RNF150: variants seen among roughly 807,000 people sequenced by gnomAD.
The protein encoded by RNF150 is ring finger protein 150.
Under a neutral mutation model 39.3 loss-of-function variants are expected in RNF150, and 24 were observed. That is an observed-to-expected ratio of 0.61 (90% CI 0.44 to 0.86). The LOEUF (loss-of-function observed/expected upper bound fraction) is 0.86, where lower values mean the gene tolerates loss of function less well. RNF150 is among the 40% of genes least tolerant of loss of function. RNF150 has a pLI of 0.00. For synonymous variants in RNF150, 255 were observed against 227.3 expected (o/e 1.12, Z -1.10); for missense variants, 502 against 587.8 (o/e 0.85, Z 1.51).
At position 140,922,761 on chromosome 4, in the gene RNF150, C is replaced by G. The variant is rs1469812407; in HGVS notation, c.987+3216G>C. Among the ~76,000 whole-genome samples, 4 of 151,872 alleles carry G rather than the reference C, an allele frequency of 2.6e-5. No homozygotes were observed. The East Asian group carries it at 7.7e-4, about 29-fold the overall frequency. ...TAATCAAAACAGCATGGTACTGGTACCAAAACAGAGATATAGACCAATGGA... is the reference window on the plus strand; with the variant it reads ...TAATCAAAACAGCATGGTACTGGTAGCAAAACAGAGATATAGACCAATGGA... On this transcript the variant is annotated intron_variant, in intron 5 of 6. Transcript: ENST00000515673.
chr4:140,994,045 T>G (rs916148765), intron 1 of RNF150, among the ~76,000 whole-genome samples: 1 of 152,124 alleles, frequency 6.6e-6, no homozygotes, highest in Admixed American at 6.5e-5. Context: ...ATATACAGCT[T>G]TCCAAATAAT....
rs1203396135 is a variant in RNF150, at chr4:140,866,606, C to T, written c.*1655G>A. The T allele has an allele frequency of 6.6e-6, 1 of 152,198 alleles. No homozygotes were observed. The highest frequency in any genetic ancestry group is 2.4e-5 in the African/African-American group (1 of 41,454). The allele number at this position is 152,198 out of a possible 1,614,324, so 9.4% of individuals were successfully genotyped here. A position where few individuals can be genotyped will look rare whatever the true frequency, so the allele number is the denominator to read the frequency against. ...GGAGCAGCTAGTATTCTCCGTTGACCTGCACACCATGTTTCAGCAGGCGGC... is the reference window on the plus strand; with the variant it reads ...GGAGCAGCTAGTATTCTCCGTTGACTTGCACACCATGTTTCAGCAGGCGGC... On this transcript the variant is annotated 3_prime_UTR_variant, in exon 7 of 7. Coordinates refer to ENST00000515673, the MANE Select transcript of RNF150 (RefSeq NM_020724.2).
intron 6 of RNF150, among the ~76,000 whole-genome samples, chr4:140,882,873 TG>T (rs1243569675): frequency 5.9e-5 from 9 of 152,304 alleles, no homozygotes; most frequent in South Asian, 2.1e-4. Context: ...TTTAGTCTTT[TG>T]ATCTGAGAGT....
intron 1 of RNF150, among the ~76,000 whole-genome samples, chr4:141,200,002 G>T (rs1263422125): frequency 6.6e-6 from 1 of 152,076 alleles, no homozygotes; most frequent in African/African-American, 2.4e-5. Flanking sequence ...GCTAAATCCA[G>T]GTTGACCAGT....
intron 1 of RNF150, among the ~76,000 whole-genome samples, chr4:141,129,089 T>G (rs1473660817): frequency 2.0e-5 from 3 of 152,148 alleles, no homozygotes; most frequent in Non-Finnish European, 4.4e-5. Context: ...ATCATAGAGT[T>G]GCCATATGAC....
chr4:140,885,957 G>A (rs1179212163), intron 6 of RNF150, among the ~76,000 whole-genome samples: 2 of 152,054 alleles, frequency 1.3e-5, no homozygotes, highest in East Asian at 1.9e-4. Flanking sequence ...TTGGGAGGCC[G>A]AGATGGGTGG....
At chr4:141,052,454 C>T (rs1560711151) in intron 1 of RNF150, among the ~76,000 whole-genome samples, 1 of 152,204 alleles carries the variant, frequency 6.6e-6, no homozygotes, top group South Asian at 2.1e-4. Context: ...TGGCTCACTG[C>T]AACCTCCACC....
At chr4:141,096,783 C>A (rs548598086) in intron 1 of RNF150, among the ~76,000 whole-genome samples, 3 of 152,232 alleles carry the variant, frequency 2.0e-5, no homozygotes, top group African/African-American at 7.2e-5. Flanking sequence ...TTCCGTTACA[C>A]AGACAAGGGA....
At chr4:141,020,611 G>A (rs1355021616) in intron 1 of RNF150, among the ~76,000 whole-genome samples, 2 of 152,098 alleles carry the variant, frequency 1.3e-5, no homozygotes, top group Non-Finnish European at 2.9e-5. Flanking sequence ...AAGGCTATGG[G>A]CATCTTCATC....
chr4:141,208,572 T>C (rs1728414264), intron 1 of RNF150, among the ~76,000 whole-genome samples: 1 of 152,242 alleles, frequency 6.6e-6, no homozygotes, highest in Non-Finnish European at 1.5e-5. Context: ...ACCTTAATTC[T>C]TTCCTTTTCA....
chr4:140,882,018 A>G (rs1412866193), intron 6 of RNF150, among the ~76,000 whole-genome samples: 1 of 151,640 alleles, frequency 6.6e-6, no homozygotes, highest in Non-Finnish European at 1.5e-5. Context: ...TTTATTTTTA[A>G]TTTTTTTATT....
At position 141,187,120 on chromosome 4, in the gene RNF150, G is replaced by C. The variant is rs114072925; in HGVS notation, c.-6+25674C>G. ...CTTAAATTTGTTATTTACCCAAGTA[G>C]TCATTCAGGTGTAGGTTGTTCAGTT... On this transcript the variant is annotated intron_variant, in intron 1 of 7. Coordinates refer to the RNF150 transcript ENST00000420921. Among the ~76,000 whole-genome samples, 1,061 of 152,284 alleles carry C rather than the reference G, an allele frequency of 7.0e-3. 12 individuals are homozygous for C. Among genetic ancestry groups the C allele is most frequent in the African/African-American group, 0.024 (1,015 of 41,560 alleles).
At chr4:141,112,523 T>G (rs1739417922) in intron 1 of RNF150, among the ~76,000 whole-genome samples, 1 of 152,140 alleles carries the variant, frequency 6.6e-6, no homozygotes, top group African/African-American at 2.4e-5. Flanking sequence ...GGGTTGAAAA[T>G]TCTTTTCTTT....
chr4:140,992,293 C>T lies in RNF150; in HGVS notation c.485-24420G>A, dbSNP rs1025289519. ...GCTGAGGTAGGAGGATCACTTGAGTCCAGAAGTTGGAGGCTGCTGTGAGCC... is the reference window on the plus strand; with the variant it reads ...GCTGAGGTAGGAGGATCACTTGAGTTCAGAAGTTGGAGGCTGCTGTGAGCC... On this transcript the variant is annotated intron_variant, in intron 1 of 6. Coordinates refer to ENST00000515673, the MANE Select transcript of RNF150 (RefSeq NM_020724.2). Among the ~76,000 whole-genome samples the T allele has an allele frequency of 3.9e-5, 6 of 151,956 alleles. No individual in the cohort carries two copies. In the South Asian group the frequency reaches 8.3e-4, roughly 21 times the overall value.
chr4:141,157,206 C>G (rs1727423226), intron 1 of RNF150, among the ~76,000 whole-genome samples: 1 of 151,956 alleles, frequency 6.6e-6, no homozygotes, highest in African/African-American at 2.4e-5. Flanking sequence ...GTGTCACGTG[C>G]ACAATATCTC....
At chr4:140,936,480 AT>A (rs1345372984) in intron 4 of RNF150, among the ~76,000 whole-genome samples, 1 of 152,200 alleles carries the variant, frequency 6.6e-6, no homozygotes, top group Non-Finnish European at 1.5e-5. Context: ...TTTATAAACT[AT>A]TTGAGTGAGA....
At chr4:141,180,352 G>A (rs1303109780) in intron 1 of RNF150, among the ~76,000 whole-genome samples, 1 of 152,170 alleles carries the variant, frequency 6.6e-6, no homozygotes, top group Non-Finnish European at 1.5e-5. Flanking sequence ...CCTCAAAGGA[G>A]TCCCAGTTTC....
rs1242528052 is a variant in RNF150, at chr4:140,867,231, T to C, written c.*1030A>G. On this transcript the variant is annotated 3_prime_UTR_variant, in exon 7 of 7. Coordinates refer to ENST00000515673, the MANE Select transcript of RNF150 (RefSeq NM_020724.2). ...GTGCTACTGCAGCCCCCACTATGTT[T>C]GCCATTGGACTTAAAAATGATTGGC... 1.3e-5 allele frequency: 2 copies of C among 152,214 alleles called. No homozygotes were observed. The highest frequency in any genetic ancestry group is 2.9e-5 in the Non-Finnish European group (2 of 68,038). 9.4% of individuals were successfully genotyped at this position (152,214 alleles called of 1,614,324 possible).
intron 1 of RNF150, among the ~76,000 whole-genome samples, chr4:141,208,179 G>A (rs13129853): frequency 5.9e-5 from 9 of 152,060 alleles, no homozygotes; most frequent in Non-Finnish European, 7.4e-5. Flanking sequence ...CTTCTTCCTC[G>A]GTTCTGCTTT....
Sources: gnomAD v4.1 joint callset for allele counts (sites outside exome capture counted in the v4.1 genomes callset) on GRCh38, gnomAD v4.1.1 for gene constraint, MANE v1.5 for transcripts, NCBI Gene and HGNC (gene_info 2026-07-23, HGNC 2026-07-21) for gene names.